Variants in RNF40 observed in about 807,000 individuals in gnomAD.
RNF40 encodes the protein E3 ubiquitin-protein ligase BRE1B.
RNF40 carries 39 observed loss-of-function variants against 123.3 expected under a neutral mutation model. The ratio of observed to expected loss-of-function variants is 0.32; its 90% CI spans 0.24 to 0.41. The LOEUF is 0.41. Among genes scored for constraint, RNF40 ranks in the 10% least tolerant of loss-of-function variants. RNF40 has a pLI of 1.00. For synonymous variants in RNF40, 538 were observed against 526.0 expected (o/e 1.02, Z -0.31); for missense variants, 1,003 against 1,319.9 (o/e 0.76, Z 3.72).
chr16:30,773,767 T>C (rs1448808320), intron 19 of RNF40, 171 bp from the exon 20 acceptor site: 2 of 598,334 alleles, frequency 3.3e-6, no homozygotes, highest in African/African-American at 1.8e-5. Flanking sequence ...GACCTTGGCC[T>C]CTGCACCTCA....
chr16:30,771,592 G>A (rs1197276390), intron 17 of RNF40, among the ~76,000 whole-genome samples: 1 of 152,034 alleles, frequency 6.6e-6, no homozygotes. Flanking sequence ...ACTCCAGCGT[G>A]GGGGACAGAG....
Position 30,763,563 on chromosome 16 carries a change from G to C in RNF40, c.442+4G>C. 6.2e-7 allele frequency: 1 copy of C among 1,613,984 alleles called. No homozygotes were observed. Among genetic ancestry groups the C allele is most frequent in the Non-Finnish European group, 8.5e-7 (1 of 1,180,010 alleles). ...CCGGGGACATCAGAGCTGAGAGGTA[G>C]GACCAGAGTGCTGGGATCTGGGGAG... On this transcript the variant is annotated splice_donor_region_variant and intron_variant, in intron 4 of 19. Transcript: ENST00000324685.
In RNF40 at chr16:30,768,797, G is replaced by A. The variant is rs1179371300; in HGVS notation, c.2098-41G>A. On this transcript the variant is annotated intron_variant, in intron 14 of 19. Transcript: ENST00000324685. The surrounding 1 kb of genome is among the most constrained non-coding windows in gnomAD (Gnocchi z 4.1). ...GGCAGAGCAGAGTCCTAGCTCAGCA[G>A]GAAGCAGTGTCAAGAGAGTTTCTTC... 6.2e-7 allele frequency: 1 copy of A among 1,614,092 alleles called. No individual in the cohort carries two copies. Among genetic ancestry groups the A allele is most frequent in the East Asian group, 2.2e-5 (1 of 44,886 alleles).
Position 30,768,827 on chromosome 16 carries a change from C to T in RNF40, c.2098-11C>T, listed in dbSNP as rs1219012099. ...CAGTGTCAAGAGAGTTTCTTCTTCC[C>T]TGTGCTATAGGTTGATGAGCTGCGG... On this transcript the variant is annotated splice_polypyrimidine_tract_variant and intron_variant, in intron 14 of 19. Transcript: ENST00000324685. The surrounding 1 kb of genome is among the most constrained non-coding windows in gnomAD (Gnocchi z 4.1). 10 of 1,614,208 alleles carry T rather than the reference C, an allele frequency of 6.2e-6. No individual in the cohort carries two copies. In the African/African-American group the frequency reaches 1.3e-4, roughly 22 times the overall value.
rs770478096 is a variant in RNF40 at position 30,769,476 on chromosome 16, T to C, written c.2462T>C (p.Val821Ala). The C allele has an allele frequency of 6.2e-7, 1 of 1,613,350 alleles. No individual in the cohort carries two copies. Among genetic ancestry groups the C allele is most frequent in the East Asian group, 2.2e-5 (1 of 44,838 alleles). The change falls in exon 17 of 20, where the codon GTG becomes GCG. Residue 821 changes from valine to alanine, a missense_variant and splice_region_variant. Val to Ala is a moderately conservative substitution (Grantham distance 64). Transcript: ENST00000324685. The stretch of plus-strand genomic sequence containing the variant: ...CCTGAGTCCTCCTCTGGTCCTTAGG[T>C]GGATGCCCAGCTGCTGACTGTGCAG... The part of the protein sequence containing the change: ...GEQVLGLKSQ[V>A]DAQLLTVQKL...
Position 30,768,408 on chromosome 16 carries a change from T to A in RNF40, c.1857T>A (p.Gly619=). 6.2e-7 allele frequency: 1 copy of A among 1,613,642 alleles called. No homozygotes were observed. The highest frequency in any genetic ancestry group is 8.5e-7 in the Non-Finnish European group (1 of 1,179,890). Residue 619 remains glycine, a synonymous_variant, in exon 13 of 20, where the codon GGT becomes GGA. Transcript: ENST00000324685. The surrounding 1 kb of genome is among the most constrained non-coding windows in gnomAD (Gnocchi z 4.1). Reference sequence around the variant, plus strand: ...AGCGGGAGCTTCGGGAACGGGAAGGTCCCAGCCTAGGACCTCCACCTGTAG... The same window carrying A: ...AGCGGGAGCTTCGGGAACGGGAAGGACCCAGCCTAGGACCTCCACCTGTAG... ...RPKRELRERE[G]PSLGPPPVAS...
Position 30,774,990 on chromosome 16 carries a change from A to G in RNF40, c.*876A>G. 2 of 456,512 alleles carry G rather than the reference A, an allele frequency of 4.4e-6. No individual in the cohort carries two copies. Among genetic ancestry groups the G allele is most frequent in the Non-Finnish European group, 8.8e-6 (2 of 226,798 alleles). The allele number at this position is 456,512 out of a possible 1,614,324, so 28.3% of individuals were successfully genotyped here. On this transcript the variant is annotated 3_prime_UTR_variant, in exon 20 of 20. Transcript: ENST00000324685. The stretch of plus-strand genomic sequence containing the variant: ...CCAACTTCCAATCATTCCAGCTAGA[A>G]GAGCTTCCCCCTGACACCCTGTGAC...
intron 5 of RNF40, 140 bp from the exon 6 acceptor site, chr16:30,764,798 G>C (rs2053997261): frequency 4.8e-6 from 6 of 1,238,144 alleles, no homozygotes; most frequent in Non-Finnish European, 6.7e-6. Flanking sequence ...GTGCAGTGGG[G>C]ATAAAGACTC....
upstream of RNF40, chr16:30,761,767 C>A: frequency 6.6e-7 from 1 of 1,508,046 alleles, no homozygotes; most frequent in Non-Finnish European, 8.9e-7. Context: ...TCTTCCGTGC[C>A]GCGAGGCGCC....
At chr16:30,773,587 T>C (rs2054184254) in intron 19 of RNF40, 1 of 211,280 alleles carries the variant, frequency 4.7e-6, no homozygotes, top group South Asian at 1.5e-4. Flanking sequence ...CAAGTGCAGG[T>C]GAAGAGGTAG....
Position 30,768,226 on chromosome 16 carries a change from G to A in RNF40, c.1675G>A (p.Asp559Asn), listed in dbSNP as rs147842419. The A allele has an allele frequency of 8.6e-5, 139 of 1,613,790 alleles. No individual in the cohort carries two copies. Among genetic ancestry groups the A allele is most frequent in the African/African-American group, 5.9e-4 (44 of 75,038 alleles). Residue 559 changes from aspartate to asparagine, a missense_variant, in exon 13 of 20, where the codon GAC becomes AAC. Coordinates refer to ENST00000324685, the MANE Select transcript of RNF40 (RefSeq NM_014771.4). This position sits in a 1 kb window ranked among gnomAD's most constrained non-coding sequence, Gnocchi z 4.1. ...EGGPGPVSTP[D>N]NRKEMAPVPG... ...TGGGCCAGGCCCTGTCAGTACCCCC[G>A]ACAACAGAAAGGAGATGGCTCCAGT...
rs1411517724 is a variant in RNF40, at chr16:30,768,222, C to T, written c.1671C>T (p.Thr557=). Residue 557 remains threonine, a synonymous_variant, in exon 13 of 20, where the codon ACC becomes ACT. Coordinates refer to ENST00000324685, the MANE Select transcript of RNF40 (RefSeq NM_014771.4). This position sits in a 1 kb window ranked among gnomAD's most constrained non-coding sequence, Gnocchi z 4.1. ...KEEGGPGPVS[T]PDNRKEMAPV... is the part of the protein sequence containing the mutation. ...AGGGTGGGCCAGGCCCTGTCAGTAC[C>T]CCCGACAACAGAAAGGAGATGGCTC... 28 of 1,613,674 alleles carry T rather than the reference C, an allele frequency of 1.7e-5. No individual in the cohort carries two copies. Among genetic ancestry groups the T allele is most frequent in the East Asian group, 2.2e-5 (1 of 44,880 alleles).
Position 30,775,651 on chromosome 16 carries a change from G to A in RNF40, c.*1537G>A. On this transcript the variant is annotated 3_prime_UTR_variant, in exon 20 of 20. Coordinates refer to ENST00000324685, the MANE Select transcript of RNF40 (RefSeq NM_014771.4). ...CAATCGGCCTCGGGAGCGGTGCGGC[G>A]TGTACCGAGCGGCGCCCCTGGGCTC... The A allele has an allele frequency of 6.5e-6, 1 of 153,418 alleles. No homozygotes were observed. The highest frequency in any genetic ancestry group is 1.5e-5 in the Non-Finnish European group (1 of 68,758). 9.5% of individuals were successfully genotyped at this position (153,418 alleles called of 1,614,324 possible).
upstream of RNF40, chr16:30,761,991 G>A (rs62057185): frequency 0.028 from 15,534 of 550,792 alleles, 381 homozygotes; most frequent in South Asian, 0.061. Flanking sequence ...CAGTGGGAGC[G>A]AAGAGAACGC....
intron 4 of RNF40, 119 bp from the exon 5 acceptor site, chr16:30,764,060 C>A: frequency 1.4e-6 from 1 of 730,618 alleles, no homozygotes; most frequent in Non-Finnish European, 2.2e-6. Flanking sequence ...GATAATAGTG[C>A]ACTATAGGTT....
chr16:30,768,281 T>G lies in RNF40; in HGVS notation c.1730T>G (p.Val577Gly). ...GGCACCACCACTACTACCACTTCAG[T>G]GAAGAAGGAGGAGCTGGTCCCCTCT... ...VPGTTTTTTS[V>G]KKEELVPSEE... Residue 577 changes from valine (V) to glycine (G), a missense_variant, in exon 13 of 20, where the codon GTG becomes GGG. By Grantham distance (109) the Val-to-Gly change is moderately radical. Coordinates refer to ENST00000324685, the MANE Select transcript of RNF40 (RefSeq NM_014771.4). This position sits in a 1 kb window ranked among gnomAD's most constrained non-coding sequence, Gnocchi z 4.1. The G allele has an allele frequency of 8.7e-6, 14 of 1,613,892 alleles. No homozygotes were observed. Among genetic ancestry groups the G allele is most frequent in the Non-Finnish European group, 1.2e-5 (14 of 1,180,010 alleles).
In RNF40 at chr16:30,774,228, C is replaced by T. The variant is rs1256191871; in HGVS notation, c.*114C>T. On this transcript the variant is annotated 3_prime_UTR_variant, in exon 20 of 20. Transcript: ENST00000324685. ...TCCATTCCGGACCCCATGGGCCCAG[C>T]CCCTGCCCATCTAGTTGGTTTGGGG... The T allele has an allele frequency of 7.9e-6, 9 of 1,145,436 alleles. No individual in the cohort carries two copies. In the South Asian group the frequency reaches 9.7e-5, roughly 12 times the overall value. 71.0% of individuals were successfully genotyped at this position (1,145,436 alleles called of 1,614,324 possible). A position where few individuals can be genotyped will look rare whatever the true frequency, so the allele number is the denominator to read the frequency against.
rs1436223307 is a variant in RNF40, at chr16:30,766,797, C to T, written c.1350C>T (p.Asp450=). The change falls in exon 11 of 20, where the codon GAC becomes GAT. Residue 450 remains aspartate, a synonymous_variant. Transcript: ENST00000324685. The surrounding 1 kb of genome is among the most constrained non-coding windows in gnomAD (Gnocchi z 5.4). The part of the protein sequence containing the change: ...KLRTEVIQLE[D]TLAQVRKEYE... ...GCACAGAGGTCATTCAGCTGGAGGA[C>T]ACGCTGGCCCAGGTACGCAAGGAGT... 5 of 1,614,076 alleles carry T rather than the reference C, an allele frequency of 3.1e-6. No individual in the cohort carries two copies. Among genetic ancestry groups the T allele is most frequent in the Middle Eastern group, 3.3e-4 (2 of 6,062 alleles).
chr16:30,762,387 G>T, intron 1 of RNF40, 27 bp downstream of exon 1: 1 of 727,370 alleles, frequency 1.4e-6, no homozygotes, highest in Non-Finnish European at 2.1e-6. Context: ...CGGGGGGGAC[G>T]GGATCCAGCA....
Sources: allele counts gnomAD v4.1 joint callset (sites outside exome capture counted in the v4.1 genomes callset), GRCh38; gene constraint gnomAD v4.1.1; non-coding constraint Gnocchi (gnomAD v3.1); transcripts MANE v1.5; gene names NCBI Gene and HGNC (gene_info 2026-07-23, HGNC 2026-07-21).